Variants in B3GNT3 observed in about 807,000 individuals in gnomAD.
The protein encoded by B3GNT3 is UDP-GlcNAc:betaGal beta-1,3-N-acetylglucosaminyltransferase 3.
Under a neutral mutation model 11.6 loss-of-function variants are expected in B3GNT3, and 7 were observed. The ratio of observed to expected loss-of-function variants is 0.60; its 90% CI spans 0.34 to 1.13. B3GNT3 has a LOEUF of 1.13. Among genes scored for constraint, B3GNT3 ranks in the 50% most tolerant of loss-of-function variants. The probability of loss-of-function intolerance (pLI) is 0.03; values close to 1 mark genes in which losing one functional copy is unlikely to be tolerated. For missense variants in B3GNT3, 400 were observed against 507.4 expected (o/e 0.79, Z 2.03); for synonymous variants, 201 against 222.1 (o/e 0.90, Z 0.85).
intron 1 of B3GNT3, among the ~76,000 whole-genome samples, chr19:17,799,990 G>T (rs572482216): frequency 9.5e-4 from 144 of 152,244 alleles, no homozygotes; most frequent in South Asian, 2.1e-3. Flanking sequence ...AAATAGTCTT[G>T]GGAGTGAGGG....
Position 17,797,799 on chromosome 19 carries a change from G to A in B3GNT3, c.-51+2593G>A, listed in dbSNP as rs375572153. Among the ~76,000 whole-genome samples, 6 of 151,586 alleles carry A rather than the reference G, an allele frequency of 4.0e-5. No homozygotes were observed. In the South Asian group the frequency reaches 6.2e-4, roughly 16 times the overall value. On this transcript the variant is annotated intron_variant, in intron 1 of 2. Coordinates refer to ENST00000318683, the MANE Select transcript of B3GNT3 (RefSeq NM_014256.4). ...CACTAAAGCAGGGTCCGGCCATTGT[G>A]AACTTAAAGGATTTACTGGGCTATT...
chr19:17,809,687 G>A (rs370153374), intron 2 of B3GNT3, among the ~76,000 whole-genome samples: 46 of 151,978 alleles, frequency 3.0e-4, no homozygotes, highest in African/African-American at 1.0e-3. Context: ...GACCTCAAGT[G>A]ATCCTCCTGC....
intron 2 of B3GNT3, among the ~76,000 whole-genome samples, chr19:17,810,555 G>A (rs140177306): frequency 1.3e-5 from 2 of 152,142 alleles, no homozygotes; most frequent in East Asian, 3.9e-4. Context: ...CCCAAGGAGG[G>A]AAGTCCAGTG....
At chr19:17,802,354 T>C (rs1041696957) in intron 1 of B3GNT3, among the ~76,000 whole-genome samples, 1 of 152,190 alleles carries the variant, frequency 6.6e-6, no homozygotes, top group Admixed American at 6.5e-5. Flanking sequence ...TAGGAGGTGA[T>C]GGCTATCGTA....
chr19:17,804,307 T>G (rs1012021254), intron 1 of B3GNT3, among the ~76,000 whole-genome samples: 18 of 148,768 alleles, frequency 1.2e-4, no homozygotes, highest in African/African-American at 4.5e-4. Context: ...TGGCTTGATC[T>G]TGGCTCACTG....
At chr19:17,809,836 C>T (rs1167511686) in intron 2 of B3GNT3, among the ~76,000 whole-genome samples, 1 of 152,126 alleles carries the variant, frequency 6.6e-6, no homozygotes, top group Middle Eastern at 3.4e-3. Context: ...GCTCTAAGAA[C>T]CCCTCCTAGG....
At position 17,811,865 on chromosome 19, in the gene B3GNT3, C is replaced by T. The variant is rs775555728; in HGVS notation, c.862C>T (p.His288Tyr). Reference sequence around the variant, plus strand: ...GGCCGCTGCCCTGCGCCGTGCTGCCCATGTCTTGGACATCTTCCCCATTGA... The same window carrying T: ...GGCCGCTGCCCTGCGCCGTGCTGCCTATGTCTTGGACATCTTCCCCATTGA... ...FTAAALRRAA[H>Y]VLDIFPIDDV... The change falls in exon 3 of 3, where the codon CAT becomes TAT. Residue 288 changes from histidine to tyrosine, a missense_variant. His to Tyr is a moderately conservative substitution (Grantham distance 83). Transcript: ENST00000318683. The surrounding 1 kb of genome is among the most constrained non-coding windows in gnomAD (Gnocchi z 4.1). The T allele has an allele frequency of 1.1e-5, 18 of 1,614,046 alleles. No homozygotes were observed. The highest frequency in any genetic ancestry group is 1.4e-5 in the Non-Finnish European group (17 of 1,180,050).
At chr19:17,798,108 G>A (rs957477009) in intron 1 of B3GNT3, among the ~76,000 whole-genome samples, 5 of 152,148 alleles carry the variant, frequency 3.3e-5, no homozygotes, top group Non-Finnish European at 5.9e-5. Flanking sequence ...CAGGCCAGGG[G>A]CTCACACCCT....
chr19:17,807,826 C>G lies in B3GNT3; in HGVS notation c.19C>G (p.Arg7Gly). The change falls in exon 2 of 3, where the codon CGG becomes GGG. Residue 7 changes from arginine (R) to glycine (G), a missense_variant. Physicochemically the swap from Arg to Gly is moderately radical, Grantham distance 125. Coordinates refer to ENST00000318683, the MANE Select transcript of B3GNT3 (RefSeq NM_014256.4). ...GGCCAGGATGAAGTATCTCCGGCAC[C>G]GGCGGCCCAATGCCACCCTCATTCT... Reference protein sequence around the residue: MKYLRHRRPNATLILAI... With the variant: MKYLRHGRPNATLILAI... The G allele has an allele frequency of 1.2e-6, 2 of 1,611,180 alleles. No individual in the cohort carries two copies. Among genetic ancestry groups the G allele is most frequent in the African/African-American group, 1.3e-5 (1 of 74,978 alleles).
rs531604646 is a variant in B3GNT3, at chr19:17,812,558, G to A, written c.*436G>A. The A allele has an allele frequency of 4.6e-5, 8 of 174,096 alleles. No homozygotes were observed. Among genetic ancestry groups the A allele is most frequent in the African/African-American group, 1.7e-4 (7 of 41,904 alleles). 10.8% of individuals were successfully genotyped at this position (174,096 alleles called of 1,614,324 possible). ...AGCCAGAAACTCCTGTGTCCACATA[G>A]AGCTGACGTGAGAAATATCTTTCAG... On this transcript the variant is annotated 3_prime_UTR_variant, in exon 3 of 3. Coordinates refer to ENST00000318683, the MANE Select transcript of B3GNT3 (RefSeq NM_014256.4).
At chr19:17,800,709 G>A (rs2094165079) in intron 1 of B3GNT3, among the ~76,000 whole-genome samples, 1 of 152,120 alleles carries the variant, frequency 6.6e-6, no homozygotes, top group Non-Finnish European at 1.5e-5. Flanking sequence ...GCTCATGCCT[G>A]TAATCCCAGC....
At chr19:17,799,221 G>A (rs963758015) in intron 1 of B3GNT3, among the ~76,000 whole-genome samples, 2 of 151,244 alleles carry the variant, frequency 1.3e-5, no homozygotes, top group South Asian at 2.1e-4. Context: ...GAGAAACAGC[G>A]GCCACAGCAA....
In B3GNT3 at chr19:17,808,118, C is replaced by T. The variant is rs773089168; in HGVS notation, c.311C>T (p.Ala104Val). ...LLQDVPPSKC[A>V]QPVFLLLVIK... ...CAGGACGTGCCCCCCTCTAAGTGCG[C>T]GCAGCCGGTCTTCCTGCTGCTGGTG... Residue 104 changes from alanine (A) to valine (V), a missense_variant, in exon 2 of 3, where the codon GCG becomes GTG. Transcript: ENST00000318683. 1.9e-6 allele frequency: 3 copies of T among 1,613,804 alleles called. No homozygotes were observed. Among genetic ancestry groups the T allele is most frequent in the South Asian group, 2.2e-5 (2 of 91,050 alleles).
At chr19:17,801,482 GTTTTTTGT>G (rs375286634) in intron 1 of B3GNT3, among the ~76,000 whole-genome samples, 72 of 147,040 alleles carry the variant, frequency 4.9e-4, no homozygotes, top group African/African-American at 1.7e-3. Flanking sequence ...ATACCCAGCT[GTTTTTTGT>G]TTTTTTGTTT....
In B3GNT3 at chr19:17,813,565, A is replaced by G. The variant is rs2094183926; in HGVS notation, c.*1443A>G. ...CATAGCTCCTTATTGCTTTCAGCTC[A>G]TAACCCCACATATCCCCACAGACAG... is the stretch of plus-strand genomic sequence containing the variant. On this transcript the variant is annotated 3_prime_UTR_variant, in exon 3 of 3. Coordinates refer to ENST00000318683, the MANE Select transcript of B3GNT3 (RefSeq NM_014256.4). Among the ~76,000 whole-genome samples the G allele has an allele frequency of 6.6e-6, 1 of 151,036 alleles. No individual in the cohort carries two copies. Among genetic ancestry groups the G allele is most frequent in the Non-Finnish European group, 1.5e-5 (1 of 67,868 alleles).
intron 1 of B3GNT3, among the ~76,000 whole-genome samples, chr19:17,802,862 T>A (rs424788): frequency 0.18 from 27,844 of 151,702 alleles, 2,944 homozygotes; most frequent in Middle Eastern, 0.23. Context: ...ACTTTTTTTT[T>A]TAATTTTTAG....
At chr19:17,807,710 A>C in intron 1 of B3GNT3, 48 bp from the exon 2 acceptor site, 6 of 1,187,982 alleles carry the variant, frequency 5.1e-6, no homozygotes, top group Non-Finnish European at 7.0e-6. Flanking sequence ...GGCCACAGGA[A>C]AAGCGCTTTG....
At position 17,811,844 on chromosome 19, in the gene B3GNT3, G is replaced by A. The variant is rs370538223; in HGVS notation, c.841G>A (p.Ala281Thr). 92 of 1,614,060 alleles carry A rather than the reference G, an allele frequency of 5.7e-5. No individual in the cohort carries two copies. The highest frequency in any genetic ancestry group is 1.6e-4 in the Middle Eastern group (1 of 6,084). ...GGFLLSRFTA[A>T]ALRRAAHVLD... The stretch of plus-strand genomic sequence containing the variant: ...CTTCTTGCTGTCCCGCTTCACGGCC[G>A]CTGCCCTGCGCCGTGCTGCCCATGT... The change falls in exon 3 of 3, where the codon GCT (alanine) becomes ACT (threonine). Residue 281 changes from alanine to threonine, a missense_variant. Physicochemically the swap from Ala to Thr is moderately conservative, Grantham distance 58 (BLOSUM62 0). Coordinates refer to ENST00000318683, the MANE Select transcript of B3GNT3 (RefSeq NM_014256.4). This position sits in a 1 kb window ranked among gnomAD's most constrained non-coding sequence, Gnocchi z 4.1.
chr19:17,811,651 C>T lies in B3GNT3; in HGVS notation c.648C>T (p.His216=). 6.2e-7 allele frequency: 1 copy of T among 1,614,250 alleles called. No homozygotes were observed. The highest frequency in any genetic ancestry group is 8.5e-7 in the Non-Finnish European group (1 of 1,180,050). ...VLNGDDDVFA[H]TDNMVFYLQD... ...ACGGGGATGATGACGTCTTTGCACA[C>T]ACAGACAACATGGTCTTCTACCTGC... The change falls in exon 3 of 3, where the codon CAC becomes CAT. Residue 216 remains histidine, a synonymous_variant. Transcript: ENST00000318683. This position sits in a 1 kb window ranked among gnomAD's most constrained non-coding sequence, Gnocchi z 4.1.
Sources: allele counts gnomAD v4.1 joint callset (sites outside exome capture counted in the v4.1 genomes callset), GRCh38; gene constraint gnomAD v4.1.1; non-coding constraint Gnocchi (gnomAD v3.1); transcripts MANE v1.5; gene names NCBI Gene and HGNC (gene_info 2026-07-23, HGNC 2026-07-21).